MGAT4C: variants seen among roughly 807,000 people sequenced by gnomAD.
MGAT4C encodes alpha-1,3-mannosyl-glycoprotein 4-beta-N-acetylglucosaminyltransferase C.
Under a neutral mutation model 40.1 loss-of-function variants are expected in MGAT4C, and 19 were observed. The ratio of observed to expected loss-of-function variants is 0.47; its 90% CI spans 0.33 to 0.70. The LOEUF is 0.70. Among genes scored for constraint, MGAT4C ranks in the 30% least tolerant of loss-of-function variants. MGAT4C has a pLI of 0.02. For missense variants in MGAT4C, 491 were observed against 563.2 expected (o/e 0.87, Z 1.30); for synonymous variants, 181 against 187.1 (o/e 0.97, Z 0.27).
intron 2 of MGAT4C, among the ~76,000 whole-genome samples, chr12:86,592,040 G>A (rs1039473308): frequency 2.6e-5 from 4 of 152,000 alleles, no homozygotes; most frequent in African/African-American, 7.2e-5. Context: ...AAATGAAATT[G>A]TATTCATCAA....
At chr12:86,469,958 G>T (rs548749302) in intron 2 of MGAT4C, among the ~76,000 whole-genome samples, 1 of 152,122 alleles carries the variant, frequency 6.6e-6, no homozygotes, top group South Asian at 2.1e-4. Flanking sequence ...ATTTCACTTA[G>T]CATAATATCC....
chr12:86,264,483 G>A (rs573453323), intron 4 of MGAT4C, among the ~76,000 whole-genome samples: 1 of 152,244 alleles, frequency 6.6e-6, no homozygotes, highest in South Asian at 2.1e-4. Context: ...AGGCGGGGAG[G>A]GGGCTGCGCA....
At chr12:86,746,610 G>A (rs552569550) in intron 1 of MGAT4C, among the ~76,000 whole-genome samples, 4 of 151,646 alleles carry the variant, frequency 2.6e-5, no homozygotes, top group African/African-American at 7.3e-5. Context: ...CAAATACAGT[G>A]AATTATTCAC....
intron 2 of MGAT4C, among the ~76,000 whole-genome samples, chr12:86,589,753 C>T (rs962751997): frequency 7.9e-5 from 12 of 151,860 alleles, no homozygotes; most frequent in Non-Finnish European, 1.2e-4. Context: ...GTTCAATATA[C>T]GCAAATCACT....
At chr12:86,007,357 C>A (rs1454861819) in intron 2 of MGAT4C, among the ~76,000 whole-genome samples, 1 of 151,958 alleles carries the variant, frequency 6.6e-6, no homozygotes, top group East Asian at 1.9e-4. Flanking sequence ...TGCTTTAGCA[C>A]AGTTAGAATA....
intron 2 of MGAT4C, among the ~76,000 whole-genome samples, chr12:86,480,681 T>C (rs1957923470): frequency 1.3e-5 from 2 of 151,710 alleles, no homozygotes; most frequent in African/African-American, 4.8e-5. Flanking sequence ...TATATGTATA[T>C]ACAAATTTGA....
chr12:86,166,765 T>C lies in MGAT4C; in HGVS notation c.-57+89474A>G, dbSNP rs535084437. 6.6e-5 allele frequency among the ~76,000 whole-genome samples: 10 copies of C among 152,218 alleles called. No homozygotes were observed. In the South Asian group the frequency reaches 2.1e-3, roughly 32 times the overall value. ...TAAATAATCCTTACCTTCCTATCCT[T>C]CTATAAGTATCACTGCAGCACATTA... On this transcript the variant is annotated intron_variant, in intron 1 of 4. Transcript: ENST00000611864.
At chr12:86,363,147 T>C (rs1240482557) in intron 3 of MGAT4C, among the ~76,000 whole-genome samples, 1 of 152,044 alleles carries the variant, frequency 6.6e-6, no homozygotes. Context: ...TAAGCCAGGG[T>C]ATATAATATA....
chr12:86,185,761 T>G (rs1369330144), intron 1 of MGAT4C, among the ~76,000 whole-genome samples: 1 of 152,308 alleles, frequency 6.6e-6, no homozygotes, highest in Admixed American at 6.5e-5. Flanking sequence ...CTCTATTTTA[T>G]TTTATCTTTC....
At chr12:86,529,716 A>G (rs115284504) in intron 2 of MGAT4C, among the ~76,000 whole-genome samples, 3,382 of 152,034 alleles carry the variant, frequency 0.022, 127 homozygotes, top group African/African-American at 0.077. Context: ...TCCAAAGTAA[A>G]GGCTACAGAT....
intron 2 of MGAT4C, among the ~76,000 whole-genome samples, chr12:86,724,335 T>C (rs895928570): frequency 6.6e-6 from 1 of 152,192 alleles, no homozygotes; most frequent in African/African-American, 2.4e-5. Context: ...ATGCAATTGG[T>C]CTTTGATAAA....
intron 1 of MGAT4C, among the ~76,000 whole-genome samples, chr12:86,147,595 C>T (rs1883721102): frequency 6.6e-6 from 1 of 152,088 alleles, no homozygotes; most frequent in South Asian, 2.1e-4. Flanking sequence ...GTTTTTCCTC[C>T]TAAATAACAT....
At chr12:86,284,144 G>A (rs980865247) in intron 4 of MGAT4C, among the ~76,000 whole-genome samples, 2 of 151,850 alleles carry the variant, frequency 1.3e-5, no homozygotes, top group African/African-American at 4.8e-5. Flanking sequence ...CACTATCCAG[G>A]GTTGGGAAAT....
At chr12:86,755,625 TCC>T (rs1287400521) in intron 1 of MGAT4C, among the ~76,000 whole-genome samples, 3 of 150,780 alleles carry the variant, frequency 2.0e-5, no homozygotes, top group Non-Finnish European at 4.4e-5. Flanking sequence ...TTTCTCTCTC[TCC>T]TTCCTTCCTT....
chr12:86,832,940 C>A (rs534949813), intron 1 of MGAT4C, among the ~76,000 whole-genome samples: 2 of 151,750 alleles, frequency 1.3e-5, no homozygotes, highest in South Asian at 2.1e-4. Context: ...GATTTTTTTT[C>A]ATATATCGTT....
chr12:86,740,458 A>G (rs1951050952), intron 1 of MGAT4C, among the ~76,000 whole-genome samples: 1 of 151,304 alleles, frequency 6.6e-6, no homozygotes, highest in Non-Finnish European at 1.5e-5. Flanking sequence ...GCTTTTATTA[A>G]CCAAAAAGAT....
intron 3 of MGAT4C, among the ~76,000 whole-genome samples, chr12:86,423,497 A>G (rs1006779617): frequency 1.3e-5 from 2 of 152,102 alleles, no homozygotes; most frequent in African/African-American, 4.8e-5. Flanking sequence ...TTGACTATCC[A>G]CTATATAATT....
intron 2 of MGAT4C, among the ~76,000 whole-genome samples, chr12:86,524,923 C>T (rs1397584754): frequency 2.0e-5 from 3 of 152,150 alleles, no homozygotes; most frequent in African/African-American, 7.2e-5. Flanking sequence ...AGATCAGTTA[C>T]ATTGTTTTCT....
intron 4 of MGAT4C, among the ~76,000 whole-genome samples, chr12:86,262,579 C>T (rs1952682682): frequency 6.6e-6 from 1 of 152,012 alleles, no homozygotes; most frequent in Admixed American, 6.6e-5. Context: ...TTTGTATCTT[C>T]CACTAGGTTC....
Sources: allele counts gnomAD v4.1 joint callset (sites outside exome capture counted in the v4.1 genomes callset), GRCh38; gene constraint gnomAD v4.1.1; transcripts MANE v1.5; gene names NCBI Gene and HGNC (gene_info 2026-07-23, HGNC 2026-07-21).